The following TENM3 variants were observed in gnomAD, a reference collection of about 807,000 sequenced individuals.
TENM3 encodes teneurin transmembrane protein 3.
In TENM3, 63 loss-of-function variants were observed where a neutral mutation model predicts 255.1. That is an observed-to-expected ratio of 0.25 (90% confidence interval 0.20 to 0.30). The LOEUF (loss-of-function observed/expected upper bound fraction) is 0.30. Among genes scored for constraint, TENM3 ranks in the 10% least tolerant of loss-of-function variants. The pLI is 1.00. For synonymous variants in TENM3, 1,306 were observed against 1,322.3 expected, an observed-to-expected ratio of 0.99 and a Z score of 0.27; for missense variants, 2,929 against 3,461.1, an observed-to-expected ratio of 0.85 and a Z score of 3.86.
the TENM3 span, among the ~76,000 whole-genome samples, chr4:181,782,327 C>T: frequency 1.3e-5 from 2 of 152,174 alleles, no homozygotes; most frequent in African/African-American, 4.8e-5. Context: ...AGGGATTCAA[C>T]TTCTTCCTGG....
At chr4:182,081,110 T>G in the TENM3 span, among the ~76,000 whole-genome samples, 1 of 152,298 alleles carries the variant, frequency 6.6e-6, no homozygotes, top group East Asian at 1.9e-4. Flanking sequence ...GGTTGTTAAT[T>G]CTAAAGTTGT....
the TENM3 span, among the ~76,000 whole-genome samples, chr4:181,605,005 ACTGTG>A: frequency 6.6e-6 from 1 of 152,210 alleles, no homozygotes; most frequent in African/African-American, 2.4e-5. Flanking sequence ...CATTATTATT[ACTGTG>A]GTGTAATATA....
chr4:181,837,799 G>C, the TENM3 span, among the ~76,000 whole-genome samples: 6 of 152,120 alleles, frequency 3.9e-5, no homozygotes, highest in Non-Finnish European at 5.9e-5. Flanking sequence ...ATGGAAGTGG[G>C]GAAAATGAAA....
At chr4:181,551,511 C>T in the TENM3 span, among the ~76,000 whole-genome samples, 1 of 152,122 alleles carries the variant, frequency 6.6e-6, no homozygotes, top group Admixed American at 6.6e-5. Context: ...GTAGTTAAAG[C>T]TTATTTGAGC....
chr4:182,484,724 T>C (rs1734535865), intron 3 of TENM3, among the ~76,000 whole-genome samples: 1 of 152,168 alleles, frequency 6.6e-6, no homozygotes, highest in South Asian at 2.1e-4. Flanking sequence ...TTATGCAAAT[T>C]GGTCCTTCTT....
At chr4:182,143,650 G>C, upstream of TENM3, 1 of 164,234 alleles carries the variant, frequency 6.1e-6, no homozygotes, top group African/African-American at 2.4e-5. This position sits in a 1 kb window ranked among gnomAD's most constrained non-coding sequence, Gnocchi z 4.3. Flanking sequence ...CCCTCCCCCA[G>C]GGCCGCCTCC....
chr4:181,770,541 G>T, the TENM3 span, among the ~76,000 whole-genome samples: 1 of 152,064 alleles, frequency 6.6e-6, no homozygotes, highest in African/African-American at 2.4e-5. Context: ...TGGGCGTGGT[G>T]GCGGGTGCCT....
At chr4:182,140,996 C>T (rs952459911), upstream of TENM3, among the ~76,000 whole-genome samples, 1 of 150,110 alleles carries the variant, frequency 6.7e-6, no homozygotes, top group Non-Finnish European at 1.5e-5. Context: ...TCCCTCCCCC[C>T]CGCCCCCCAG....
At chr4:181,957,906 T>C in the TENM3 span, among the ~76,000 whole-genome samples, 1 of 152,254 alleles carries the variant, frequency 6.6e-6, no homozygotes. Flanking sequence ...TAGTTTCGGA[T>C]TGTGCTGAGT....
intron 1 of TENM3, among the ~76,000 whole-genome samples, chr4:182,311,749 C>T (rs531456669): frequency 1.4e-4 from 21 of 152,256 alleles, no homozygotes; most frequent in African/African-American, 5.1e-4. Flanking sequence ...CTTTTATGTC[C>T]ACTCTGAAAG....
chr4:181,504,065 T>TA, the TENM3 span, among the ~76,000 whole-genome samples: 35 of 152,344 alleles, frequency 2.3e-4, no homozygotes, highest in Middle Eastern at 3.4e-3. Context: ...ATCCTTTAGT[T>TA]ACCTGGTTTA....
At chr4:181,782,056 T>A in the TENM3 span, among the ~76,000 whole-genome samples, 1 of 152,162 alleles carries the variant, frequency 6.6e-6, no homozygotes, top group Non-Finnish European at 1.5e-5. Context: ...TCGATGTTCA[T>A]CAGGGATATT....
chr4:181,797,172 T>C, the TENM3 span, among the ~76,000 whole-genome samples: 3 of 152,146 alleles, frequency 2.0e-5, no homozygotes, highest in African/African-American at 7.2e-5. Flanking sequence ...TTTCCTTTTT[T>C]TTTTAACTGT....
At chr4:182,445,843 T>A (rs1363416356) in intron 3 of TENM3, among the ~76,000 whole-genome samples, 1 of 152,210 alleles carries the variant, frequency 6.6e-6, no homozygotes, top group African/African-American at 2.4e-5. Flanking sequence ...TGTGGGGAAT[T>A]CCGCAGATCT....
chr4:181,884,828 C>A, the TENM3 span, among the ~76,000 whole-genome samples: 1 of 152,036 alleles, frequency 6.6e-6, no homozygotes, highest in Admixed American at 6.6e-5. Context: ...ACTTTGCTGA[C>A]CTCAAGGTTT....
chr4:181,807,262 T>C, the TENM3 span, among the ~76,000 whole-genome samples: 2 of 152,254 alleles, frequency 1.3e-5, no homozygotes, highest in Non-Finnish European at 2.9e-5. Flanking sequence ...TAGCGTATCT[T>C]CCATAAATAT....
At chr4:182,330,543 T>C (rs1370101540) in intron 2 of TENM3, among the ~76,000 whole-genome samples, 1 of 152,190 alleles carries the variant, frequency 6.6e-6, no homozygotes, top group Non-Finnish European at 1.5e-5. Flanking sequence ...TCTGCTGTTT[T>C]CTCAAATGCC....
the TENM3 span, among the ~76,000 whole-genome samples, chr4:181,970,187 T>C: frequency 6.6e-6 from 1 of 152,198 alleles, no homozygotes; most frequent in African/African-American, 2.4e-5. Flanking sequence ...TAAAACTAAA[T>C]TACCAGTAGT....
chr4:182,113,928 T>G, the TENM3 span, among the ~76,000 whole-genome samples: 1 of 152,236 alleles, frequency 6.6e-6, no homozygotes, highest in Admixed American at 6.5e-5. Context: ...ATTTAATTTC[T>G]TTCCCAATGA....
Sources: allele counts gnomAD v4.1 joint callset (sites outside exome capture counted in the v4.1 genomes callset), GRCh38; gene constraint gnomAD v4.1.1; non-coding constraint Gnocchi (gnomAD v3.1); transcripts MANE v1.5; gene names NCBI Gene and HGNC (gene_info 2026-07-23, HGNC 2026-07-21).